Variants in WDR64 observed in about 807,000 individuals in gnomAD.
The protein encoded by WDR64 is WD repeat domain 64, also known as WD repeat-containing protein 64.
Under a neutral mutation model 139.3 loss-of-function variants are expected in WDR64, and 112 were observed. That is an observed-to-expected ratio of 0.80 (90% CI 0.69 to 0.94). The LOEUF (loss-of-function observed/expected upper bound fraction) is 0.94, where lower values mean the gene tolerates loss of function less well. Among genes scored for constraint, WDR64 ranks in the 40% least tolerant of loss-of-function variants. WDR64 has a pLI of 0.00. For missense variants in WDR64, 1,206 were observed against 1,293.1 expected, an observed-to-expected ratio of 0.93 and a Z score of 1.03; for synonymous variants, 444 against 437.7, an observed-to-expected ratio of 1.01 and a Z score of -0.18.
At chr1:241,775,728 C>T (rs1488583630) in intron 21 of WDR64, among the ~76,000 whole-genome samples, 1 of 152,016 alleles carries the variant, frequency 6.6e-6, no homozygotes, top group Admixed American at 6.6e-5. Flanking sequence ...ATTTTCTTTG[C>T]TTTCCTTTCT....
At position 241,787,876 on chromosome 1, in the gene WDR64, T is replaced by C. The variant is rs1659097415; in HGVS notation, c.2733T>C (p.Tyr911=). The C allele has an allele frequency of 1.2e-6, 2 of 1,604,932 alleles. No individual in the cohort carries two copies. The highest frequency in any genetic ancestry group is 1.7e-6 in the Non-Finnish European group (2 of 1,177,518). Residue 911 remains tyrosine, a synonymous_variant, in exon 24 of 28, where the codon TAT becomes TAC. Coordinates refer to ENST00000437684, the MANE Select transcript of WDR64 (RefSeq NM_001367482.1). ...VRLWHALNGH[Y]CGYFGQRRLF... ...TCTGGCATGCCCTCAATGGACATTA[T>C]TGTGGATATTTTGGACAGCGAAGGC...
At chr1:241,687,439 C>G in intron 7 of WDR64, 22 bp from the exon 8 acceptor site, 1 of 1,612,748 alleles carries the variant, frequency 6.2e-7, no homozygotes, top group Non-Finnish European at 8.5e-7. Flanking sequence ...ATAAATCTCC[C>G]CTGCCTTTTC....
intron 2 of WDR64, among the ~76,000 whole-genome samples, chr1:241,669,273 A>G (rs1277761304): frequency 1.3e-5 from 2 of 152,252 alleles, no homozygotes; most frequent in Non-Finnish European, 2.9e-5. Context: ...CTGACTCCAC[A>G]GCACATGCTC....
At position 241,749,728 on chromosome 1, in the gene WDR64, C is replaced by T; in HGVS notation, c.1770+6C>T. On this transcript the variant is annotated splice_donor_region_variant and intron_variant, in intron 14 of 27. Transcript: ENST00000437684. ...GGACTATCAAAATGATCCAGGTTTA[C>T]AATCCCACTTCATACTCGTACTGCA... 1 of 1,611,908 alleles carries T rather than the reference C, an allele frequency of 6.2e-7. No individual in the cohort carries two copies. Among genetic ancestry groups the T allele is most frequent in the Non-Finnish European group, 8.5e-7 (1 of 1,179,378 alleles).
At chr1:241,800,508 G>A (rs768593547) in intron 27 of WDR64, among the ~76,000 whole-genome samples, 17 of 152,142 alleles carry the variant, frequency 1.1e-4, no homozygotes, top group Middle Eastern at 3.4e-3. Context: ...TTAGCTGGAC[G>A]TGGTGACACA....
chr1:241,652,613 A>G lies in WDR64; in HGVS notation c.129A>G (p.Leu43=). The part of the protein sequence containing the change: ...AAQKRDERAG[L]FIHKEDAIGY... ...AGAAAAGAGATGAAAGAGCAGGCTT[A>G]TTTATCCATAAAGAAGGTAAGATCA... is the stretch of plus-strand genomic sequence containing the variant. The change falls in exon 1 of 28, where the codon TTA becomes TTG. Residue 43 remains leucine (L), a synonymous_variant. Transcript: ENST00000437684. The G allele has an allele frequency of 6.4e-7, 1 of 1,551,760 alleles. No homozygotes were observed. The highest frequency in any genetic ancestry group is 8.7e-7 in the Non-Finnish European group (1 of 1,147,010).
At position 241,745,218 on chromosome 1, in the gene WDR64, G is replaced by A. The variant is rs894016626; in HGVS notation, c.1594+702G>A. ...GAATATATTTACCCTAGGCCTATAC[G>A]CATAAGCCAGTTGATGACTCGAGTG... On this transcript the variant is annotated intron_variant, in intron 13 of 27. Transcript: ENST00000437684. Among the ~76,000 whole-genome samples the A allele has an allele frequency of 2.0e-5, 3 of 152,056 alleles. 1 individual carries two copies. The highest frequency in any genetic ancestry group is 4.4e-5 in the Non-Finnish European group (3 of 68,038).
chr1:241,681,715 G>T (rs183365294), intron 6 of WDR64, among the ~76,000 whole-genome samples: 114 of 152,244 alleles, frequency 7.5e-4, no homozygotes, highest in African/African-American at 2.6e-3. Flanking sequence ...TTCCACAGTG[G>T]TTGTACTAGT....
chr1:241,705,144 G>T (rs1667882744), intron 8 of WDR64, among the ~76,000 whole-genome samples: 1 of 152,160 alleles, frequency 6.6e-6, no homozygotes, highest in Non-Finnish European at 1.5e-5. Flanking sequence ...AGTTGCTGAG[G>T]CTCAGAACTC....
At position 241,775,217 on chromosome 1, in the gene WDR64, C is replaced by A; in HGVS notation, c.2536+7C>A. On this transcript the variant is annotated splice_region_variant and intron_variant, in intron 21 of 27. Coordinates refer to ENST00000437684, the MANE Select transcript of WDR64 (RefSeq NM_001367482.1). ...CTACTGGCTGGAAATGTGGGTGAGT[C>A]ATTACTCTTAGACATTCAGTGACAG... The A allele has an allele frequency of 6.5e-7, 1 of 1,546,512 alleles. No homozygotes were observed. Among genetic ancestry groups the A allele is most frequent in the Non-Finnish European group, 8.7e-7 (1 of 1,144,682 alleles).
In WDR64 at chr1:241,656,141, C is replaced by T. The variant is rs147274831; in HGVS notation, c.145+3512C>T. Among the ~76,000 whole-genome samples the T allele has an allele frequency of 9.9e-5, 15 of 152,244 alleles. No individual in the cohort carries two copies. The highest frequency in any genetic ancestry group is 1.9e-4 in the Non-Finnish European group (13 of 68,018). ...AGACAAGTTACCTTCTATCACGGGGCGGCCTAAGAAAGAGTGAGGAGAAGG... is the reference window on the plus strand; with the variant it reads ...AGACAAGTTACCTTCTATCACGGGGTGGCCTAAGAAAGAGTGAGGAGAAGG... On this transcript the variant is annotated intron_variant, in intron 1 of 27. Transcript: ENST00000437684. This position sits in a 1 kb window ranked among gnomAD's most constrained non-coding sequence, Gnocchi z 4.3.
chr1:241,791,551 C>A (rs1359261678), intron 25 of WDR64, among the ~76,000 whole-genome samples: 1 of 151,774 alleles, frequency 6.6e-6, no homozygotes, highest in African/African-American at 2.4e-5. Context: ...GTCCACCTGT[C>A]GTCCTAGCTA....
chr1:241,741,665 G>A lies in WDR64; in HGVS notation c.1470+1G>A. On this transcript the variant is annotated splice_donor_variant, in intron 12 of 27. Transcript: ENST00000437684. LOFTEE classifies it high-confidence loss of function. ...TATCTGCTCTGAATCCATAATTAGG[G>A]TAAGTACCTATTGGCTTTTCAAACA... The A allele has an allele frequency of 6.3e-7, 1 of 1,596,708 alleles. No individual in the cohort carries two copies. The highest frequency in any genetic ancestry group is 8.5e-7 in the Non-Finnish European group (1 of 1,175,614).
chr1:241,757,789 A>G lies in WDR64; in HGVS notation c.1947+330A>G, dbSNP rs74938158. ...ATAAGACACCGTGCCTGGCCCACCA[A>G]TGGATTTTGAAGCAAATCTCAAACA... is the stretch of plus-strand genomic sequence containing the variant. On this transcript the variant is annotated intron_variant, in intron 15 of 27. Coordinates refer to ENST00000437684, the MANE Select transcript of WDR64 (RefSeq NM_001367482.1). Among the ~76,000 whole-genome samples the G allele has an allele frequency of 3.1e-3, 467 of 151,624 alleles. 4 individuals are homozygous for G. The highest frequency in any genetic ancestry group is 0.01 in the African/African-American group (426 of 41,364).
chr1:241,735,812 C>T (rs77910315), intron 10 of WDR64, among the ~76,000 whole-genome samples: 24,224 of 127,554 alleles, frequency 0.19, 2,353 homozygotes, highest in East Asian at 0.33. Flanking sequence ...CCAGCCTGTC[C>T]TTCTCTTTCT....
At chr1:241,684,421 T>C (rs1486902475) in intron 7 of WDR64, among the ~76,000 whole-genome samples, 1 of 152,240 alleles carries the variant, frequency 6.6e-6, no homozygotes, top group Admixed American at 6.5e-5. Context: ...TTCCTTATAA[T>C]TGCAATGTCT....
Position 241,676,633 on chromosome 1 carries a change from C to T in WDR64, c.484-1554C>T, listed in dbSNP as rs556386620. ...TTTCCAGAGATGCTTTACAAACATG[C>T]ACATACACACAAAAGCTTACAGATG... On this transcript the variant is annotated intron_variant, in intron 4 of 27. Transcript: ENST00000437684. Among the ~76,000 whole-genome samples the T allele has an allele frequency of 9.9e-5, 15 of 152,056 alleles. No individual in the cohort carries two copies. The East Asian group carries it at 2.9e-3, about 29-fold the overall frequency.
At chr1:241,797,344 C>G (rs1430795612) in intron 27 of WDR64, among the ~76,000 whole-genome samples, 1 of 152,180 alleles carries the variant, frequency 6.6e-6, no homozygotes, top group Non-Finnish European at 1.5e-5. Flanking sequence ...TAACCTATCA[C>G]TCTCCTACTA....
intron 8 of WDR64, among the ~76,000 whole-genome samples, chr1:241,697,327 T>C (rs1383119201): frequency 1.3e-5 from 2 of 152,200 alleles, no homozygotes; most frequent in Non-Finnish European, 2.9e-5. Flanking sequence ...TCTCTGGCCG[T>C]ACCTATTCTT....
Sources: gnomAD v4.1 joint callset for allele counts (sites outside exome capture counted in the v4.1 genomes callset) on GRCh38, gnomAD v4.1.1 for gene constraint, Gnocchi (gnomAD v3.1) non-coding constraint, MANE v1.5 for transcripts, NCBI Gene and HGNC (gene_info 2026-07-23, HGNC 2026-07-21) for gene names.